SEPTIN7: variants seen among roughly 807,000 people sequenced by gnomAD.
SEPTIN7 encodes the protein septin-7.
In SEPTIN7, 10 loss-of-function variants were observed where a neutral mutation model predicts 63.3. The ratio of observed to expected loss-of-function variants is 0.16; its 90% CI spans 0.10 to 0.27. The LOEUF (loss-of-function observed/expected upper bound fraction) is 0.27. Ranked by LOEUF, SEPTIN7 falls within the 10% of genes least tolerant of loss-of-function variation. The pLI is 1.00. For missense variants in SEPTIN7, 310 were observed against 521.0 expected (o/e 0.59, Z 3.94); for synonymous variants, 131 against 165.3 (o/e 0.79, Z 1.59).
chr7:35,834,514 T>C (rs1455579703), intron 3 of SEPTIN7, among the ~76,000 whole-genome samples: 2 of 152,074 alleles, frequency 1.3e-5, no homozygotes, highest in Admixed American at 1.3e-4. Flanking sequence ...CTTTTTTCTC[T>C]TCCTAATGAT....
At chr7:35,805,682 G>A (rs1788283725) in intron 1 of SEPTIN7, among the ~76,000 whole-genome samples, 1 of 152,224 alleles carries the variant, frequency 6.6e-6, no homozygotes, top group South Asian at 2.1e-4. Context: ...TGGGGGGATA[G>A]CCTGAAGCTG....
the SEPTIN7 span, among the ~76,000 whole-genome samples, chr7:35,913,002 G>A: frequency 1.3e-5 from 2 of 152,184 alleles, no homozygotes; most frequent in African/African-American, 4.8e-5. Flanking sequence ...TCCACCATCA[G>A]GGAGCACTGT....
chr7:35,915,063 A>C, the SEPTIN7 span, among the ~76,000 whole-genome samples: 1 of 151,816 alleles, frequency 6.6e-6, no homozygotes, highest in South Asian at 2.1e-4. Flanking sequence ...ATATATACAC[A>C]GATGCATGCA....
chr7:35,912,135 A>G, the SEPTIN7 span, among the ~76,000 whole-genome samples: 1 of 152,262 alleles, frequency 6.6e-6, no homozygotes, highest in Admixed American at 6.5e-5. Flanking sequence ...CAGGCCTCCC[A>G]AAATCTGGCC....
chr7:35,812,068 C>T (rs567549405), intron 1 of SEPTIN7: 12 of 248,492 alleles, frequency 4.8e-5, no homozygotes, highest in Non-Finnish European at 6.8e-5. Flanking sequence ...CAGAGGTTGC[C>T]GTGAGCCAAG....
At chr7:35,883,020 A>C (rs1333032244) in intron 8 of SEPTIN7, among the ~76,000 whole-genome samples, 1 of 152,122 alleles carries the variant, frequency 6.6e-6, no homozygotes, top group Non-Finnish European at 1.5e-5. Flanking sequence ...ACAGTAATTT[A>C]GTCTATATTT....
intron 1 of SEPTIN7, among the ~76,000 whole-genome samples, chr7:35,829,816 G>A (rs1418044323): frequency 1.3e-5 from 2 of 152,196 alleles, no homozygotes; most frequent in Non-Finnish European, 2.9e-5. Flanking sequence ...GCAGCAAAGT[G>A]CTAAGGTGAG....
intron 3 of SEPTIN7, among the ~76,000 whole-genome samples, chr7:35,852,054 A>G (rs1445577905): frequency 2.0e-5 from 3 of 152,148 alleles, no homozygotes; most frequent in Non-Finnish European, 4.4e-5. Context: ...TAGTAGTTGC[A>G]CTAGGGTCCT....
intron 3 of SEPTIN7, among the ~76,000 whole-genome samples, chr7:35,849,379 C>T (rs763868316): frequency 2.0e-5 from 3 of 151,992 alleles, no homozygotes; most frequent in Non-Finnish European, 4.4e-5. Flanking sequence ...ATAAGGAGGA[C>T]GCAACCTAGA....
intron 4 of SEPTIN7, among the ~76,000 whole-genome samples, chr7:35,869,811 A>G (rs1338488324): frequency 6.6e-6 from 1 of 152,172 alleles, no homozygotes; most frequent in Non-Finnish European, 1.5e-5. Context: ...TGATACATGG[A>G]CGATAGCTTT....
In SEPTIN7 at chr7:35,812,113, A is replaced by G. The variant is rs567073736; in HGVS notation, c.61+10843A>G. The G allele has an allele frequency of 1.8e-5, 3 of 165,332 alleles. No individual in the cohort carries two copies. In the South Asian group the frequency reaches 2.6e-4, roughly 14 times the overall value. The allele number at this position is 165,332 out of a possible 1,614,324, so 10.2% of individuals were successfully genotyped here. A position where few individuals can be genotyped will look rare whatever the true frequency, so the allele number is the denominator to read the frequency against. On this transcript the variant is annotated intron_variant, in intron 1 of 13. Transcript: ENST00000350320. Reference sequence around the variant, plus strand: ...CTGCACTGCCTGGTGACAGAATGATACTCTGTCTCCAAAACAAAAAAAAAA... The same window carrying G: ...CTGCACTGCCTGGTGACAGAATGATGCTCTGTCTCCAAAACAAAAAAAAAA...
intron 3 of SEPTIN7, among the ~76,000 whole-genome samples, chr7:35,846,135 T>A (rs1437930015): frequency 6.6e-6 from 1 of 152,224 alleles, no homozygotes; most frequent in African/African-American, 2.4e-5. Context: ...TTCTGCATCT[T>A]AGGCATAGCT....
At chr7:35,830,704 A>G (rs186246959) in intron 1 of SEPTIN7, among the ~76,000 whole-genome samples, 2 of 152,322 alleles carry the variant, frequency 1.3e-5, no homozygotes, top group East Asian at 3.9e-4. Flanking sequence ...CAGTTGTTTG[A>G]AGTGGGTTGT....
chr7:35,801,036 G>A, upstream of SEPTIN7: 1 of 473,940 alleles, frequency 2.1e-6, no homozygotes, highest in Non-Finnish European at 3.7e-6. Flanking sequence ...TGAGGGGGCG[G>A]GGGACGGAGG....
chr7:35,873,429 GTAAA>G (rs567469560), intron 5 of SEPTIN7, among the ~76,000 whole-genome samples: 3 of 151,994 alleles, frequency 2.0e-5, no homozygotes, highest in Non-Finnish European at 2.9e-5. Context: ...TGTTTCGACA[GTAAA>G]TAGTTTATTT....
chr7:35,804,984 G>A (rs567041051), intron 1 of SEPTIN7, among the ~76,000 whole-genome samples: 3 of 152,156 alleles, frequency 2.0e-5, no homozygotes, highest in Non-Finnish European at 4.4e-5. Flanking sequence ...GGGATTACAG[G>A]TGCTTGCCTG....
intron 4 of SEPTIN7, among the ~76,000 whole-genome samples, chr7:35,863,902 T>C (rs1785656966): frequency 6.7e-6 from 1 of 149,018 alleles, no homozygotes; most frequent in Admixed American, 6.7e-5. Flanking sequence ...TGTGACATAG[T>C]AACCAATTCC....
chr7:35,861,726 C>A (rs1399961621), intron 3 of SEPTIN7, among the ~76,000 whole-genome samples: 2 of 152,086 alleles, frequency 1.3e-5, no homozygotes, highest in African/African-American at 4.8e-5. Flanking sequence ...CAATGAGGTC[C>A]CAGTTAGGCA....
At chr7:35,840,464 G>A (rs1465464809) in intron 3 of SEPTIN7, among the ~76,000 whole-genome samples, 1 of 151,574 alleles carries the variant, frequency 6.6e-6, no homozygotes, top group Non-Finnish European at 1.5e-5. Flanking sequence ...GTTTTGTAGA[G>A]ATGGGGTCTC....
Sources: allele counts gnomAD v4.1 joint callset (sites outside exome capture counted in the v4.1 genomes callset), GRCh38; gene constraint gnomAD v4.1.1; transcripts MANE v1.5; gene names NCBI Gene and HGNC (gene_info 2026-07-23, HGNC 2026-07-21).